NAE1: variants seen among roughly 807,000 people sequenced by gnomAD.
NAE1 encodes the protein NEDD8 activating enzyme E1 subunit 1, also known as NEDD8-activating enzyme E1 regulatory subunit.
Under a neutral mutation model 88.0 loss-of-function variants are expected in NAE1, and 59 were observed. The observed-to-expected ratio is 0.67, with a 90% CI of 0.54 to 0.83. The LOEUF (loss-of-function observed/expected upper bound fraction) is 0.83, where lower values mean the gene tolerates loss of function less well. Ranked by LOEUF, NAE1 falls within the 40% of genes least tolerant of loss-of-function variation. NAE1 has a pLI of 0.00. For synonymous variants in NAE1, 186 were observed against 208.9 expected (o/e 0.89, Z 0.95); for missense variants, 554 against 632.8 (o/e 0.88, Z 1.34).
At chr16:66,814,503 G>C (rs923013259) in intron 11 of NAE1, among the ~76,000 whole-genome samples, 21 of 151,270 alleles carry the variant, frequency 1.4e-4, no homozygotes, top group Non-Finnish European at 1.3e-4. Flanking sequence ...TGAGGTGGGG[G>C]GATCACTTGA....
intron 8 of NAE1, among the ~76,000 whole-genome samples, chr16:66,817,786 G>T (rs1407221289): frequency 1.3e-5 from 2 of 152,120 alleles, no homozygotes; most frequent in Non-Finnish European, 2.9e-5. Flanking sequence ...TAAGAAAGGA[G>T]GATCTTTTCT....
chr16:66,803,150 G>T, intron 19 of NAE1, 32 bp from the exon 20 acceptor site: 1 of 1,407,644 alleles, frequency 7.1e-7, no homozygotes, highest in Non-Finnish European at 1.0e-6. Flanking sequence ...GCAAATCTTT[G>T]AAAGAGTAAA....
At chr16:66,804,597 G>A (rs1321335564) in intron 19 of NAE1, among the ~76,000 whole-genome samples, 1 of 152,174 alleles carries the variant, frequency 6.6e-6, no homozygotes, top group East Asian at 1.9e-4. Flanking sequence ...CAAGCTAATA[G>A]CTCAGTCTAC....
At chr16:66,817,053 A>G in intron 9 of NAE1, 25 bp from the exon 10 acceptor site, 1 of 1,577,334 alleles carries the variant, frequency 6.3e-7, no homozygotes, top group Non-Finnish European at 8.6e-7. Flanking sequence ...AATTTTAAAA[A>G]TCTAGTTATT....
rs1390633798 is a variant in NAE1 at position 66,826,689 on chromosome 16, A to C, written c.145T>G (p.Leu49Val). The change falls in exon 2 of 20, where the codon TTG (leucine) becomes GTG (valine). Residue 49 changes from leucine to valine, a missense_variant. Physicochemically the swap from Leu to Val is conservative, Grantham distance 32. Transcript: ENST00000290810. ...AAACCTACGTTACCTGGTAGTACCAAGTTTTTAAGAATTTCAGTTCCTGTG... is the reference window on the plus strand; with the variant it reads ...AAACCTACGTTACCTGGTAGTACCACGTTTTTAAGAATTTCAGTTCCTGTG... ...TATGTEILKNLVLPGIGSFTI... is the reference protein window; with the variant it reads ...TATGTEILKNVVLPGIGSFTI... 6.2e-7 allele frequency: 1 copy of C among 1,614,112 alleles called. No individual in the cohort carries two copies. The highest frequency in any genetic ancestry group is 1.7e-5 in the Admixed American group (1 of 60,004).
At chr16:66,816,419 C>A (rs1359673940) in intron 11 of NAE1, among the ~76,000 whole-genome samples, 162 bp downstream of exon 11, 1 of 152,222 alleles carries the variant, frequency 6.6e-6, no homozygotes, top group Non-Finnish European at 1.5e-5. Flanking sequence ...CCCGCCTCAG[C>A]CTCCCAAAGT....
intron 1 of NAE1, among the ~76,000 whole-genome samples, chr16:66,830,587 G>A (rs1960652373): frequency 6.6e-6 from 1 of 152,226 alleles, no homozygotes; most frequent in South Asian, 2.1e-4. Flanking sequence ...GCCGGCAGCC[G>A]CCTTAGCTAC....
chr16:66,805,121 T>C (rs1167193738), intron 19 of NAE1, among the ~76,000 whole-genome samples: 1 of 151,860 alleles, frequency 6.6e-6, no homozygotes, highest in African/African-American at 2.4e-5. Context: ...TTAAGGCAAA[T>C]AGGCACAGAG....
intron 1 of NAE1, among the ~76,000 whole-genome samples, chr16:66,830,410 T>C (rs1567499954): frequency 6.6e-6 from 1 of 152,288 alleles, no homozygotes. Context: ...GTGTGGTTAC[T>C]AGAAAATTTA....
intron 17 of NAE1, 152 bp from the exon 18 acceptor site, chr16:66,806,178 T>A: frequency 2.3e-6 from 2 of 883,426 alleles, no homozygotes; most frequent in Non-Finnish European, 3.2e-6. Context: ...TTTGCACATA[T>A]CACAAACCTA....
At chr16:66,806,175 A>G (rs1480281348) in intron 17 of NAE1, 149 bp from the exon 18 acceptor site, 2 of 922,960 alleles carry the variant, frequency 2.2e-6, no homozygotes, top group Admixed American at 3.4e-5. Flanking sequence ...ATATTTGCAC[A>G]TATCACAAAC....
chr16:66,809,216 A>G (rs1469489959), intron 15 of NAE1, 141 bp from the exon 16 acceptor site: 7 of 568,696 alleles, frequency 1.2e-5, no homozygotes, highest in Non-Finnish European at 2.1e-5. Context: ...CCTTGGTTCT[A>G]ATAGCAGAGA....
intron 4 of NAE1, among the ~76,000 whole-genome samples, chr16:66,823,888 T>C (rs572103895): frequency 1.1e-4 from 17 of 152,268 alleles, no homozygotes; most frequent in African/African-American, 4.1e-4. Flanking sequence ...TGTGCTACCA[T>C]GCCCAGCTAA....
intron 17 of NAE1, among the ~76,000 whole-genome samples, chr16:66,806,447 G>A: frequency 6.6e-6 from 1 of 151,394 alleles, no homozygotes; most frequent in Non-Finnish European, 1.5e-5. Flanking sequence ...TTTCTTTTGA[G>A]AGAGAGTCTT....
intron 1 of NAE1, among the ~76,000 whole-genome samples, chr16:66,828,353 C>T (rs1960547825): frequency 6.6e-6 from 1 of 151,966 alleles, no homozygotes; most frequent in Non-Finnish European, 1.5e-5. Flanking sequence ...TAACCAGGCA[C>T]AGTGGCACGC....
chr16:66,824,134 TCTA>T (rs1960370395), intron 4 of NAE1, among the ~76,000 whole-genome samples: 1 of 152,224 alleles, frequency 6.6e-6, no homozygotes, highest in Admixed American at 6.5e-5. Context: ...TTACTTGTAC[TCTA>T]CTTTTTTGAT....
intron 3 of NAE1, chr16:66,826,200 C>T (rs1960458348): frequency 6.8e-6 from 2 of 294,844 alleles, no homozygotes; most frequent in South Asian, 9.3e-5. Flanking sequence ...TCACAAACAA[C>T]AGGCATTATT....
intron 17 of NAE1, among the ~76,000 whole-genome samples, chr16:66,807,466 CCT>C (rs1259035992): frequency 1.3e-5 from 2 of 151,928 alleles, no homozygotes; most frequent in African/African-American, 4.8e-5. Context: ...ACGGAGAAAC[CCT>C]GTTTCTACTA....
intron 11 of NAE1, among the ~76,000 whole-genome samples, chr16:66,814,464 G>A (rs534013619): frequency 3.3e-5 from 5 of 151,868 alleles, no homozygotes; most frequent in African/African-American, 1.2e-4. Flanking sequence ...GTGGTGGCAC[G>A]TGCCTGTGGT....
Sources: gnomAD v4.1 joint callset for allele counts (sites outside exome capture counted in the v4.1 genomes callset) on GRCh38, gnomAD v4.1.1 for gene constraint, MANE v1.5 for transcripts, NCBI Gene and HGNC (gene_info 2026-07-23, HGNC 2026-07-21) for gene names.